HDAC9: variants seen among roughly 807,000 people sequenced by gnomAD.
HDAC9 encodes the protein MEF-2 interacting transcription repressor (MITR) protein.
Under a neutral mutation model 139.4 loss-of-function variants are expected in HDAC9, and 41 were observed. The ratio of observed to expected loss-of-function variants is 0.29; its 90% CI spans 0.23 to 0.38. The LOEUF is 0.38. HDAC9 is among the 10% of genes least tolerant of loss of function. HDAC9 has a pLI of 1.00. For missense variants in HDAC9, 1,147 were observed against 1,297.0 expected (o/e 0.88, Z 1.78); for synonymous variants, 517 against 476.2 (o/e 1.09, Z -1.12).
At chr7:18,976,062 C>A (rs1230878292) in intron 25 of HDAC9, 109 bp downstream of exon 25, 2 of 1,121,224 alleles carry the variant, frequency 1.8e-6, no homozygotes, top group Non-Finnish European at 2.5e-6. Context: ...TCCACTTCCA[C>A]CACCTGTCCT....
intron 25 of HDAC9, among the ~76,000 whole-genome samples, chr7:18,979,437 T>A (rs147896523): frequency 1.3e-3 from 200 of 152,324 alleles, no homozygotes; most frequent in African/African-American, 4.4e-3. Flanking sequence ...AGAAGCTAAA[T>A]GTTGCACAAA....
At chr7:18,249,510 AAAAAAAAAAAAAAC>A (rs1427680115) in intron 2 of HDAC9, among the ~76,000 whole-genome samples, 8 of 146,572 alleles carry the variant, frequency 5.5e-5, no homozygotes, top group Admixed American at 2.1e-4. Context: ...CTCAAAAAAA[AAAAAAAAAAAAAAC>A]AAAAAAAAAA....
chr7:18,687,575 C>T (rs989259833), intron 12 of HDAC9, among the ~76,000 whole-genome samples: 4 of 151,818 alleles, frequency 2.6e-5, no homozygotes, highest in African/African-American at 9.6e-5. Flanking sequence ...GTAGTAGATG[C>T]AGGACATCAT....
intron 14 of HDAC9, among the ~76,000 whole-genome samples, chr7:18,760,524 C>A (rs1353849873): frequency 2.0e-5 from 3 of 152,088 alleles, no homozygotes; most frequent in Non-Finnish European, 4.4e-5. Flanking sequence ...CTGATCTTAC[C>A]CACCTGGAAT....
At chr7:18,607,968 A>G (rs1835990085) in intron 6 of HDAC9, among the ~76,000 whole-genome samples, 1 of 152,162 alleles carries the variant, frequency 6.6e-6, no homozygotes, top group Admixed American at 6.5e-5. Context: ...GACATTTTAG[A>G]TAAGATTGGA....
At chr7:18,596,424 CA>C (rs1420623541) in intron 6 of HDAC9, among the ~76,000 whole-genome samples, 1 of 152,002 alleles carries the variant, frequency 6.6e-6, no homozygotes, top group Non-Finnish European at 1.5e-5. Context: ...GGTGTATTTC[CA>C]ATTCCATTAT....
chr7:18,578,849 G>A (rs907962384), intron 2 of HDAC9, among the ~76,000 whole-genome samples: 33 of 152,202 alleles, frequency 2.2e-4, no homozygotes, highest in African/African-American at 4.3e-4. Context: ...AGTGAAAACC[G>A]TAGTTAGGTT....
intron 6 of HDAC9, among the ~76,000 whole-genome samples, chr7:18,596,247 A>G (rs115393886): frequency 0.029 from 4,452 of 152,188 alleles, 215 homozygotes; most frequent in African/African-American, 0.1. Flanking sequence ...TAGTATCTCT[A>G]TAGAGGTTTT....
intron 11 of HDAC9, among the ~76,000 whole-genome samples, chr7:18,659,160 G>A (rs927978973): frequency 6.6e-6 from 1 of 152,086 alleles, no homozygotes; most frequent in Non-Finnish European, 1.5e-5. Flanking sequence ...TATTTGTTGG[G>A]ATGCAAAGGA....
At chr7:18,621,133 CA>C (rs1397492600) in intron 6 of HDAC9, among the ~76,000 whole-genome samples, 1 of 151,860 alleles carries the variant, frequency 6.6e-6, no homozygotes, top group African/African-American at 2.4e-5. Flanking sequence ...TGGGGAAAAA[CA>C]TAATAGATTT....
At chr7:18,559,645 C>T (rs976714837) in intron 2 of HDAC9, among the ~76,000 whole-genome samples, 1 of 152,152 alleles carries the variant, frequency 6.6e-6, no homozygotes, top group African/African-American at 2.4e-5. Context: ...AAGGCCCCTA[C>T]ACTGGTGTTC....
intron 2 of HDAC9, among the ~76,000 whole-genome samples, chr7:18,232,605 T>C (rs926282064): frequency 6.6e-6 from 1 of 152,244 alleles, no homozygotes; most frequent in African/African-American, 2.4e-5. Context: ...GCATGGATTC[T>C]AATGAATTCT....
intron 2 of HDAC9, among the ~76,000 whole-genome samples, chr7:18,280,374 G>T (rs1250431744): frequency 1.3e-5 from 2 of 152,120 alleles, no homozygotes; most frequent in African/African-American, 4.8e-5. Flanking sequence ...CGCATCATGA[G>T]GTCAGGGGTT....
At chr7:18,567,415 T>A (rs1281666819) in intron 2 of HDAC9, among the ~76,000 whole-genome samples, 1 of 152,354 alleles carries the variant, frequency 6.6e-6, no homozygotes, top group South Asian at 2.1e-4. Context: ...CTTACCTTTT[T>A]AGCTTCAAGA....
At position 18,307,490 on chromosome 7, in the gene HDAC9, C is replaced by G. The variant is rs143515398; in HGVS notation, c.-42+16975C>G. On this transcript the variant is annotated intron_variant, in intron 1 of 3. Transcript: ENST00000413509. The stretch of plus-strand genomic sequence containing the variant: ...GCTTGCTCTTTCTTAGATTCTAAAA[C>G]TAGTTTCTAACATTATAAAATCAAA... 3.4e-3 allele frequency among the ~76,000 whole-genome samples: 520 copies of G among 152,230 alleles called. 3 individuals carry two copies. The highest frequency in any genetic ancestry group is 0.012 in the African/African-American group (505 of 41,552).
chr7:18,185,361 A>C (rs1789823222), intron 2 of HDAC9, among the ~76,000 whole-genome samples: 1 of 152,218 alleles, frequency 6.6e-6, no homozygotes, highest in African/African-American at 2.4e-5. Context: ...TTAAACCTCC[A>C]AGGTAATTAT....
chr7:18,087,961 G>C (rs1583962337), intron 1 of HDAC9: 1 of 152,234 alleles, frequency 6.6e-6, no homozygotes, highest in African/African-American at 2.4e-5. Flanking sequence ...TCCGAGGCGC[G>C]GTTGTCAGGA....
intron 1 of HDAC9, among the ~76,000 whole-genome samples, chr7:18,344,678 G>C (rs1372718923): frequency 1.3e-5 from 2 of 152,004 alleles, no homozygotes; most frequent in Non-Finnish European, 2.9e-5. Context: ...AAAAAAATAG[G>C]AGTTAAAAAT....
At chr7:18,555,649 C>T (rs1818570652) in intron 2 of HDAC9, among the ~76,000 whole-genome samples, 1 of 152,062 alleles carries the variant, frequency 6.6e-6, no homozygotes, top group South Asian at 2.1e-4. Flanking sequence ...GCAATGCTAA[C>T]ATCTGGGTAT....
Sources: gnomAD v4.1 joint callset for allele counts (sites outside exome capture counted in the v4.1 genomes callset) on GRCh38, gnomAD v4.1.1 for gene constraint, MANE v1.5 for transcripts, NCBI Gene and HGNC (gene_info 2026-07-23, HGNC 2026-07-21) for gene names.